SYN3: variants seen among roughly 807,000 people sequenced by gnomAD.
SYN3 encodes synapsin-3.
SYN3 carries 35 observed loss-of-function variants against 65.8 expected under a neutral mutation model. The observed-to-expected ratio is 0.53, with a 90% CI of 0.41 to 0.70. The LOEUF (loss-of-function observed/expected upper bound fraction) is 0.70. Among genes scored for constraint, SYN3 ranks in the 30% least tolerant of loss-of-function variants. The pLI, the probability that SYN3 is intolerant of heterozygous loss-of-function variation, is 0.00. For missense variants in SYN3, 680 were observed against 749.0 expected, an observed-to-expected ratio of 0.91 and a Z score of 1.08; for synonymous variants, 270 against 292.9, an observed-to-expected ratio of 0.92 and a Z score of 0.80.
intron 6 of SYN3, among the ~76,000 whole-genome samples, chr22:32,777,832 C>T (rs565475539): frequency 3.3e-4 from 50 of 152,176 alleles, no homozygotes; most frequent in African/African-American, 1.2e-3. Flanking sequence ...GCTTTGGGTT[C>T]ACCCTAAGCA....
At chr22:32,983,916 T>C (rs1206183205) in intron 2 of SYN3, among the ~76,000 whole-genome samples, 1 of 151,920 alleles carries the variant, frequency 6.6e-6, no homozygotes, top group African/African-American at 2.4e-5. Flanking sequence ...TCCCAGCACT[T>C]TGGGAGGCTG....
chr22:32,572,286 C>CTT (rs1287623386), intron 7 of SYN3, among the ~76,000 whole-genome samples: 1 of 61,032 alleles, frequency 1.6e-5, no homozygotes, highest in East Asian at 7.6e-4. Flanking sequence ...TCCCTCCCTC[C>CTT]CTCCTTCCTT....
chr22:32,742,610 T>C (rs1004736284), intron 6 of SYN3, among the ~76,000 whole-genome samples: 3 of 152,100 alleles, frequency 2.0e-5, no homozygotes, highest in Non-Finnish European at 4.4e-5. Flanking sequence ...AGGATCAGAG[T>C]AGAAAAGCAA....
intron 6 of SYN3, among the ~76,000 whole-genome samples, chr22:32,742,013 C>A (rs2044785716): frequency 6.6e-6 from 1 of 152,108 alleles, no homozygotes; most frequent in Non-Finnish European, 1.5e-5. Flanking sequence ...GTGGCTCACA[C>A]CTGTAATCCC....
At chr22:32,548,077 C>T (rs1403719549) in intron 7 of SYN3, among the ~76,000 whole-genome samples, 2 of 152,204 alleles carry the variant, frequency 1.3e-5, no homozygotes, top group Non-Finnish European at 2.9e-5. Flanking sequence ...CATGAAACGC[C>T]CACATTTGAC....
At chr22:32,719,457 T>G (rs1437108092) in intron 6 of SYN3, among the ~76,000 whole-genome samples, 1 of 152,228 alleles carries the variant, frequency 6.6e-6, no homozygotes, top group South Asian at 2.1e-4. Flanking sequence ...ATAAGTTCCA[T>G]GAAGATAGGG....
chr22:32,818,367 TG>T (rs1403285579), intron 6 of SYN3, among the ~76,000 whole-genome samples: 1 of 152,042 alleles, frequency 6.6e-6, no homozygotes, highest in East Asian at 1.9e-4. Flanking sequence ...GCCCAGGGGC[TG>T]GGGGCAGCAT....
intron 2 of SYN3, among the ~76,000 whole-genome samples, chr22:32,987,079 G>T (rs1167220348): frequency 1.3e-5 from 2 of 152,158 alleles, no homozygotes; most frequent in Middle Eastern, 3.4e-3. Flanking sequence ...CCAATAAATC[G>T]ATCCTGTATG....
intron 1 of SYN3, among the ~76,000 whole-genome samples, chr22:33,044,119 G>A (rs975293677): frequency 6.6e-6 from 1 of 152,082 alleles, no homozygotes; most frequent in Admixed American, 6.5e-5. Flanking sequence ...TAGCAGTTAG[G>A]CCACAGGAAG....
At chr22:32,797,159 T>G (rs1404901763) in intron 6 of SYN3, among the ~76,000 whole-genome samples, 2 of 152,074 alleles carry the variant, frequency 1.3e-5, no homozygotes, top group Non-Finnish European at 2.9e-5. Flanking sequence ...TTCTCTGGCT[T>G]ATAGCGCCCC....
intron 4 of SYN3, among the ~76,000 whole-genome samples, chr22:32,877,640 C>T (rs1028566039): frequency 1.3e-5 from 2 of 152,170 alleles, no homozygotes; most frequent in Admixed American, 6.5e-5. Context: ...GCTAGAGAAG[C>T]CCTGCTGCAG....
chr22:32,848,704 A>G (rs1452477418), intron 6 of SYN3, among the ~76,000 whole-genome samples: 1 of 152,236 alleles, frequency 6.6e-6, no homozygotes, highest in East Asian at 1.9e-4. Flanking sequence ...AGAGATTAGT[A>G]TCATTATGAT....
chr22:32,895,210 A>G (rs2049558152), intron 4 of SYN3, among the ~76,000 whole-genome samples: 1 of 152,202 alleles, frequency 6.6e-6, no homozygotes, highest in African/African-American at 2.4e-5. Flanking sequence ...TGAGTAATTA[A>G]TAATTTTTAT....
At chr22:32,933,249 A>C (rs1378552363) in intron 3 of SYN3, among the ~76,000 whole-genome samples, 1 of 152,124 alleles carries the variant, frequency 6.6e-6, no homozygotes, top group African/African-American at 2.4e-5. Flanking sequence ...TGTATGAAGC[A>C]CTCACTATGT....
chr22:32,930,451 C>T (rs570625847), intron 4 of SYN3, among the ~76,000 whole-genome samples: 7 of 152,234 alleles, frequency 4.6e-5, no homozygotes, highest in South Asian at 2.1e-4. Flanking sequence ...ATGAATTACC[C>T]GGTCTCGAGT....
At chr22:33,009,661 GA>G (rs201252985) in intron 1 of SYN3, among the ~76,000 whole-genome samples, 2 of 146,348 alleles carry the variant, frequency 1.4e-5, no homozygotes, top group Non-Finnish European at 3.0e-5. Context: ...ATCCCAATAA[GA>G]AAAAAAAATT....
At chr22:32,628,867 C>T (rs895678752) in intron 6 of SYN3, among the ~76,000 whole-genome samples, 2 of 152,138 alleles carry the variant, frequency 1.3e-5, no homozygotes, top group African/African-American at 2.4e-5. Flanking sequence ...CAATTTCCCT[C>T]GTTGTAACTG....
intron 3 of SYN3, among the ~76,000 whole-genome samples, chr22:32,953,857 A>C (rs1196917639): frequency 6.6e-6 from 1 of 152,162 alleles, no homozygotes; most frequent in Non-Finnish European, 1.5e-5. Context: ...CAACATCATC[A>C]CACTTGGCAA....
Position 32,533,445 on chromosome 22 carries a change from C to A in SYN3, c.1095+348G>T, listed in dbSNP as rs551081132. Among the ~76,000 whole-genome samples the A allele has an allele frequency of 7.3e-4, 111 of 152,124 alleles. 1 individual carries two copies. The highest frequency in any genetic ancestry group is 1.4e-3 in the Non-Finnish European group (94 of 68,020). On this transcript the variant is annotated intron_variant, in intron 10 of 13. Transcript: ENST00000358763. Reference sequence around the variant, plus strand: ...TCTGCATGGTGACCAAGGAAGGTGCCCATTTCACATGCTTGGACACTGGGG... The same window carrying A: ...TCTGCATGGTGACCAAGGAAGGTGCACATTTCACATGCTTGGACACTGGGG...
Sources: allele counts gnomAD v4.1 joint callset (sites outside exome capture counted in the v4.1 genomes callset), GRCh38; gene constraint gnomAD v4.1.1; transcripts MANE v1.5; gene names NCBI Gene and HGNC (gene_info 2026-07-23, HGNC 2026-07-21).